FOXP2: variants seen among roughly 807,000 people sequenced by gnomAD.
FOXP2 encodes forkhead box protein P2.
A neutral mutation model predicts 115.8 loss-of-function variants in FOXP2; 12 were observed. That is an observed-to-expected ratio of 0.10 (90% CI 0.07 to 0.17). The LOEUF (loss-of-function observed/expected upper bound fraction) is 0.17, where lower values mean the gene tolerates loss of function less well. Ranked by LOEUF, FOXP2 falls within the 10% of genes least tolerant of loss-of-function variation. The pLI, the probability that FOXP2 is intolerant of heterozygous loss-of-function variation, is 1.00. For missense variants in FOXP2, 629 were observed against 843.5 expected, an observed-to-expected ratio of 0.75 and a Z score of 3.15; for synonymous variants, 328 against 297.7, an observed-to-expected ratio of 1.10 and a Z score of -1.05.
intron 1 of FOXP2, among the ~76,000 whole-genome samples, chr7:114,284,563 C>T (rs1796419307): frequency 6.6e-6 from 1 of 152,058 alleles, no homozygotes; most frequent in Non-Finnish European, 1.5e-5. Context: ...TCACTGTGCA[C>T]CATAATCTAT....
At position 114,690,026 on chromosome 7, in the gene FOXP2, A is replaced by C. The variant is rs1195241245; in HGVS notation, c.*100A>C. 2 of 1,437,532 alleles carry C rather than the reference A, an allele frequency of 1.4e-6. No homozygotes were observed. Among genetic ancestry groups the C allele is most frequent in the African/African-American group, 1.4e-5 (1 of 71,228 alleles). 89.0% of individuals were successfully genotyped at this position (1,437,532 alleles called of 1,614,324 possible). On this transcript the variant is annotated 3_prime_UTR_variant, in exon 17 of 17. Transcript: ENST00000350908. ...TGACAAATTTTTACTGTGACTATTT[A>C]TTAAGCATGGATAAAGGAGACAGCC...
intron 16 of FOXP2, among the ~76,000 whole-genome samples, chr7:114,682,657 G>A (rs1808150471): frequency 6.6e-6 from 1 of 151,842 alleles, no homozygotes; most frequent in African/African-American, 2.4e-5. Context: ...CCTATAATGG[G>A]GCAAAAAGAG....
intron 2 of FOXP2, among the ~76,000 whole-genome samples, chr7:114,352,288 AAAAG>A (rs1391391076): frequency 6.6e-6 from 1 of 151,994 alleles, no homozygotes; most frequent in African/African-American, 2.4e-5. Context: ...GAAAGAAAGA[AAAAG>A]AAAAAGAATG....
chr7:114,408,801 T>C (rs1793098430), intron 2 of FOXP2, among the ~76,000 whole-genome samples: 1 of 152,078 alleles, frequency 6.6e-6, no homozygotes, highest in Non-Finnish European at 1.5e-5. Flanking sequence ...ATATCAGCAG[T>C]GACATCATAT....
chr7:114,501,802 T>C (rs970946101), intron 2 of FOXP2, among the ~76,000 whole-genome samples: 2 of 152,216 alleles, frequency 1.3e-5, no homozygotes, highest in African/African-American at 4.8e-5. Flanking sequence ...TTTAAATTGA[T>C]CTTTTAACTT....
intron 2 of FOXP2, among the ~76,000 whole-genome samples, chr7:114,393,628 CAG>C (rs1792664722): frequency 6.6e-6 from 1 of 151,952 alleles, no homozygotes; most frequent in African/African-American, 2.4e-5. Flanking sequence ...AGAAGGGATA[CAG>C]AGTGTCAGAG....
chr7:114,240,124 A>C (rs1363037329), intron 1 of FOXP2, among the ~76,000 whole-genome samples: 1 of 152,198 alleles, frequency 6.6e-6, no homozygotes, highest in East Asian at 1.9e-4. Flanking sequence ...TTATGATCTT[A>C]ATAAATGCAG....
intron 3 of FOXP2, among the ~76,000 whole-genome samples, chr7:114,572,418 A>C (rs139216708): frequency 5.3e-5 from 8 of 151,818 alleles, no homozygotes; most frequent in African/African-American, 1.9e-4. Context: ...AAAATTTAAA[A>C]ATTTTGGTAA....
chr7:114,631,755 C>T (rs774482751), intron 6 of FOXP2, 50 bp downstream of exon 6: 1 of 1,587,316 alleles, frequency 6.3e-7, no homozygotes, highest in Admixed American at 1.7e-5. Context: ...GTACTTTCTA[C>T]CATTTCATGG....
intron 1 of FOXP2, among the ~76,000 whole-genome samples, chr7:114,208,395 T>C (rs1794254457): frequency 6.6e-6 from 1 of 152,148 alleles, no homozygotes; most frequent in Non-Finnish European, 1.5e-5. Context: ...ATCTGGGAAG[T>C]AACTAACTTG....
At chr7:114,318,737 G>A (rs966585235) in intron 2 of FOXP2, among the ~76,000 whole-genome samples, 9 of 141,408 alleles carry the variant, frequency 6.4e-5, no homozygotes, top group African/African-American at 1.6e-4. Context: ...ACACACACAC[G>A]CACAGACATA....
At chr7:114,449,859 A>G (rs1794995455) in intron 2 of FOXP2, among the ~76,000 whole-genome samples, 2 of 152,104 alleles carry the variant, frequency 1.3e-5, no homozygotes, top group African/African-American at 2.4e-5. Context: ...TTATGTTGCA[A>G]AAATTTACTT....
At chr7:114,570,936 C>A in intron 3 of FOXP2, 1 of 1,427,772 alleles carries the variant, frequency 7.0e-7, no homozygotes, top group Non-Finnish European at 9.9e-7. Context: ...GCCATGGACC[C>A]AGTCCCACTA....
At chr7:114,286,767 C>T (rs190436748) in intron 1 of FOXP2, among the ~76,000 whole-genome samples, 6 of 151,966 alleles carry the variant, frequency 3.9e-5, no homozygotes, top group Non-Finnish European at 7.4e-5. Flanking sequence ...TCGGATTATG[C>T]TCTGTAGAAT....
intron 2 of FOXP2, among the ~76,000 whole-genome samples, chr7:114,289,440 G>A (rs963009504): frequency 6.6e-6 from 1 of 151,818 alleles, no homozygotes; most frequent in African/African-American, 2.4e-5. Context: ...TGTGGTGAGT[G>A]GGGACATTAT....
intron 3 of FOXP2, among the ~76,000 whole-genome samples, chr7:114,548,609 G>A (rs1367718732): frequency 1.3e-5 from 2 of 152,058 alleles, no homozygotes; most frequent in Non-Finnish European, 2.9e-5. Flanking sequence ...AAAGTTCAGT[G>A]GGTTATAGGG....
At chr7:114,379,582 T>A (rs1357722945) in intron 2 of FOXP2, among the ~76,000 whole-genome samples, 1 of 152,090 alleles carries the variant, frequency 6.6e-6, no homozygotes, top group Non-Finnish European at 1.5e-5. Flanking sequence ...AGCAGGCCAT[T>A]TCAGGGGTCC....
At chr7:114,445,519 T>C (rs1188561632) in intron 2 of FOXP2, among the ~76,000 whole-genome samples, 1 of 152,162 alleles carries the variant, frequency 6.6e-6, no homozygotes, top group Non-Finnish European at 1.5e-5. Context: ...TCAAAGATTG[T>C]AGAATAAAAA....
intron 1 of FOXP2, among the ~76,000 whole-genome samples, chr7:114,251,613 T>G (rs560402940): frequency 6.6e-6 from 1 of 152,310 alleles, no homozygotes; most frequent in South Asian, 2.1e-4. Context: ...TGTATAAGAA[T>G]GCTTGTGATT....
Sources: allele counts gnomAD v4.1 joint callset (sites outside exome capture counted in the v4.1 genomes callset), GRCh38; gene constraint gnomAD v4.1.1; transcripts MANE v1.5; gene names NCBI Gene and HGNC (gene_info 2026-07-23, HGNC 2026-07-21).